Variants in CPNE4 observed in about 807,000 individuals in gnomAD.
CPNE4 encodes the protein copine 4.
A neutral mutation model predicts 67.9 loss-of-function variants in CPNE4; 25 were observed. The ratio of observed to expected loss-of-function variants is 0.37; its 90% CI spans 0.27 to 0.51. The LOEUF is 0.51. Among genes scored for constraint, CPNE4 ranks in the 20% least tolerant of loss-of-function variants. The pLI is 0.93. For missense variants in CPNE4, 464 were observed against 690.8 expected (o/e 0.67, Z 3.68); for synonymous variants, 242 against 244.9 (o/e 0.99, Z 0.11).
rs1474930337 is a variant in CPNE4 at position 131,535,036 on chromosome 3, T to C, written c.*159A>G. 1.5e-6 allele frequency: 1 copy of C among 650,298 alleles called. No homozygotes were observed. The allele number at this position is 650,298 out of a possible 1,614,324, so 40.3% of individuals were successfully genotyped here. A position where few individuals can be genotyped will look rare whatever the true frequency, so the allele number is the denominator to read the frequency against. ...CAGATCCAGGCCTCAGGGCTACACATGCAAAAAAAATTGTCAGATAGTTAA... is the reference window on the plus strand; with the variant it reads ...CAGATCCAGGCCTCAGGGCTACACACGCAAAAAAAATTGTCAGATAGTTAA... On this transcript the variant is annotated 3_prime_UTR_variant, in exon 16 of 16. Transcript: ENST00000429747.
intron 3 of CPNE4, among the ~76,000 whole-genome samples, chr3:131,716,705 G>C (rs1383715639): frequency 1.3e-5 from 2 of 152,214 alleles, no homozygotes; most frequent in African/African-American, 4.8e-5. Flanking sequence ...CGGGGGCTCT[G>C]TTAAGCATTT....
At chr3:131,966,380 A>G (rs761332546) in intron 1 of CPNE4, among the ~76,000 whole-genome samples, 3 of 152,206 alleles carry the variant, frequency 2.0e-5, no homozygotes, top group Non-Finnish European at 4.4e-5. Context: ...ACAGAGCAGA[A>G]CTGAAGGAGA....
intron 2 of CPNE4, among the ~76,000 whole-genome samples, chr3:131,863,213 G>A (rs549931826): frequency 5.9e-5 from 9 of 152,116 alleles, no homozygotes; most frequent in African/African-American, 2.2e-4. Context: ...TAATCCTTTG[G>A]GTACATACCC....
chr3:131,940,574 A>T lies in CPNE4; in HGVS notation c.-1-35130T>A, dbSNP rs145782074. On this transcript the variant is annotated intron_variant, in intron 1 of 15. Coordinates refer to ENST00000429747, the MANE Select transcript of CPNE4 (RefSeq NM_130808.3). ...AATAAAACAAAAAGTGACTCTAAAA[A>T]AATTAGTCGGGTGTATATTGTTTCC... is the stretch of plus-strand genomic sequence containing the variant. 3.0e-3 allele frequency among the ~76,000 whole-genome samples: 459 copies of T among 152,240 alleles called. 3 individuals carry two copies. The highest frequency in any genetic ancestry group is 0.01 in the African/African-American group (425 of 41,560).
intron 1 of CPNE4, among the ~76,000 whole-genome samples, chr3:131,913,025 G>A (rs1265772019): frequency 6.6e-6 from 1 of 152,094 alleles, no homozygotes; most frequent in African/African-American, 2.4e-5. Context: ...TAACACAGGG[G>A]ATAAGAGTAC....
At chr3:132,028,116 T>A (rs971985777) in intron 1 of CPNE4, among the ~76,000 whole-genome samples, 2 of 152,172 alleles carry the variant, frequency 1.3e-5, no homozygotes, top group African/African-American at 4.8e-5. Context: ...GATTTTAGAA[T>A]CTCTATTAGC....
chr3:131,942,457 TGTGTGTGAGAGAGAGAGAGAGAGA>T (rs1464035518), intron 1 of CPNE4, among the ~76,000 whole-genome samples: 8 of 60,980 alleles, frequency 1.3e-4, no homozygotes, highest in African/African-American at 5.3e-4. Context: ...TGTGTGTGTG[TGTGTGTGAGAGAGAGAGAGAGAGA>T]GAGAGAGAGA....
At chr3:131,989,378 G>C (rs1482572439) in intron 1 of CPNE4, among the ~76,000 whole-genome samples, 1 of 152,152 alleles carries the variant, frequency 6.6e-6, no homozygotes, top group Non-Finnish European at 1.5e-5. Flanking sequence ...TACCGCTTTG[G>C]AATATCAAAC....
chr3:131,635,520 A>C (rs1482662261), intron 7 of CPNE4, among the ~76,000 whole-genome samples: 1 of 152,188 alleles, frequency 6.6e-6, no homozygotes, highest in Non-Finnish European at 1.5e-5. Flanking sequence ...AATTAAATAA[A>C]ATTAAAAACT....
At chr3:131,597,743 C>G (rs571336634) in intron 7 of CPNE4, among the ~76,000 whole-genome samples, 1 of 152,326 alleles carries the variant, frequency 6.6e-6, no homozygotes, top group East Asian at 1.9e-4. Flanking sequence ...GCTCCTTAGT[C>G]ATACCATGTT....
At chr3:131,753,899 G>A (rs142028716) in intron 2 of CPNE4, among the ~76,000 whole-genome samples, 1,977 of 151,926 alleles carry the variant, frequency 0.013, 31 homozygotes, top group Non-Finnish European at 0.017. Flanking sequence ...TGTTAACTAC[G>A]TCCTCCAACC....
At position 132,034,657 on chromosome 3, in the gene CPNE4, G is replaced by C. The variant is rs2074308318; in HGVS notation, c.-92C>G. Reference sequence around the variant, plus strand: ...AGGATGCAAAATCCGGCTTTGAAGTGGAGGTGGTTGGTGTGGTAGTTTTGT... The same window carrying C: ...AGGATGCAAAATCCGGCTTTGAAGTCGAGGTGGTTGGTGTGGTAGTTTTGT... On this transcript the variant is annotated 5_prime_UTR_variant, in exon 1 of 16. Transcript: ENST00000429747. 1 of 985,336 alleles carries C rather than the reference G, an allele frequency of 1.0e-6. No homozygotes were observed. Among genetic ancestry groups the C allele is most frequent in the South Asian group, 4.7e-5 (1 of 21,280 alleles). 61.0% of individuals were successfully genotyped at this position (985,336 alleles called of 1,614,324 possible).
At chr3:132,002,731 T>G (rs1290859120) in intron 1 of CPNE4, among the ~76,000 whole-genome samples, 1 of 152,082 alleles carries the variant, frequency 6.6e-6, no homozygotes, top group African/African-American at 2.4e-5. Context: ...AAAAAACCCA[T>G]GAGTCAATTC....
intron 2 of CPNE4, among the ~76,000 whole-genome samples, chr3:131,845,289 C>T (rs1445878083): frequency 2.0e-5 from 3 of 152,220 alleles, no homozygotes; most frequent in Admixed American, 6.5e-5. Flanking sequence ...TATTATCTCA[C>T]TTAATCTTCA....
chr3:131,866,411 G>A (rs2086953709), intron 2 of CPNE4, among the ~76,000 whole-genome samples: 1 of 152,170 alleles, frequency 6.6e-6, no homozygotes, highest in South Asian at 2.1e-4. Context: ...CATTCCTTGT[G>A]CCCAGTTCCA....
intron 3 of CPNE4, among the ~76,000 whole-genome samples, chr3:131,707,661 T>C (rs780776566): frequency 2.6e-5 from 4 of 152,170 alleles, no homozygotes; most frequent in Non-Finnish European, 4.4e-5. Flanking sequence ...CTGTCTCTGA[T>C]AAATGACAGA....
chr3:131,826,142 A>G (rs1451047831), intron 2 of CPNE4, among the ~76,000 whole-genome samples: 1 of 152,210 alleles, frequency 6.6e-6, no homozygotes, highest in Non-Finnish European at 1.5e-5. Context: ...ATGTAGACAC[A>G]TAGATGTACT....
intron 9 of CPNE4, among the ~76,000 whole-genome samples, chr3:131,579,535 T>C (rs920517850): frequency 6.6e-6 from 1 of 152,174 alleles, no homozygotes; most frequent in Non-Finnish European, 1.5e-5. Flanking sequence ...CTCAGAAAAG[T>C]AAATTGAAAA....
At chr3:131,833,323 C>A (rs2085445584) in intron 2 of CPNE4, among the ~76,000 whole-genome samples, 2 of 152,168 alleles carry the variant, frequency 1.3e-5, no homozygotes, top group Admixed American at 1.3e-4. Context: ...TCTTTGGAAA[C>A]AGGATAATCT....
Sources: allele counts gnomAD v4.1 joint callset (sites outside exome capture counted in the v4.1 genomes callset), GRCh38; gene constraint gnomAD v4.1.1; transcripts MANE v1.5; gene names NCBI Gene and HGNC (gene_info 2026-07-23, HGNC 2026-07-21).